AUTS2: variants seen among roughly 807,000 people sequenced by gnomAD.
The protein encoded by AUTS2 is activator of transcription and developmental regulator AUTS2.
AUTS2 carries 17 observed loss-of-function variants against 112.4 expected under a neutral mutation model. The ratio of observed to expected loss-of-function variants is 0.15; its 90% CI spans 0.10 to 0.23. The LOEUF (loss-of-function observed/expected upper bound fraction) is 0.23, where lower values mean the gene tolerates loss of function less well. Among genes scored for constraint, AUTS2 ranks in the 10% least tolerant of loss-of-function variants. AUTS2 has a pLI of 1.00. For missense variants in AUTS2, 1,510 were observed against 1,701.6 expected (o/e 0.89, Z 1.98); for synonymous variants, 751 against 702.7 (o/e 1.07, Z -1.09).
chr7:69,865,552 C>A (rs930086516), intron 1 of AUTS2, among the ~76,000 whole-genome samples: 1 of 152,160 alleles, frequency 6.6e-6, no homozygotes, highest in South Asian at 2.1e-4. Flanking sequence ...TCCCCTGTTG[C>A]AAAAGGACCC....
At chr7:70,289,028 T>G (rs1158041235) in intron 4 of AUTS2, among the ~76,000 whole-genome samples, 1 of 152,198 alleles carries the variant, frequency 6.6e-6, no homozygotes, top group Non-Finnish European at 1.5e-5. Context: ...ATATTGGGTG[T>G]GTCTCTTCAT....
intron 5 of AUTS2, among the ~76,000 whole-genome samples, chr7:70,579,625 G>A (rs1256393773): frequency 1.3e-5 from 2 of 152,160 alleles, no homozygotes; most frequent in Non-Finnish European, 2.9e-5. Flanking sequence ...CAGAGCAGGT[G>A]CAATTAATAA....
intron 2 of AUTS2, among the ~76,000 whole-genome samples, chr7:70,061,623 A>G (rs533668820): frequency 3.4e-4 from 52 of 152,198 alleles, no homozygotes; most frequent in African/African-American, 1.2e-3. Context: ...AATAAAAGAT[A>G]CTTATGGTAG....
At chr7:70,176,381 C>T (rs1808988901) in intron 4 of AUTS2, among the ~76,000 whole-genome samples, 1 of 152,178 alleles carries the variant, frequency 6.6e-6, no homozygotes, top group African/African-American at 2.4e-5. Context: ...TGTCTGAACT[C>T]CTCATTCTTT....
intron 4 of AUTS2, among the ~76,000 whole-genome samples, chr7:70,168,463 C>CT (rs1808498307): frequency 6.6e-6 from 1 of 152,088 alleles, no homozygotes; most frequent in Non-Finnish European, 1.5e-5. Flanking sequence ...ACTACAGGCG[C>CT]TGCCACCACA....
At chr7:70,332,162 C>T (rs1180399520) in intron 4 of AUTS2, among the ~76,000 whole-genome samples, 1 of 152,166 alleles carries the variant, frequency 6.6e-6, no homozygotes, top group Non-Finnish European at 1.5e-5. Flanking sequence ...TTCCTATACA[C>T]CAATAATAGA....
At chr7:69,729,534 G>A (rs1176902680) in intron 1 of AUTS2, among the ~76,000 whole-genome samples, 1 of 148,496 alleles carries the variant, frequency 6.7e-6, no homozygotes, top group Non-Finnish European at 1.5e-5. Flanking sequence ...CATTAAAAAA[G>A]CCATTTCTTA....
intron 1 of AUTS2, among the ~76,000 whole-genome samples, chr7:69,720,400 A>G (rs1234916660): frequency 2.6e-5 from 4 of 152,168 alleles, no homozygotes; most frequent in Non-Finnish European, 4.4e-5. Flanking sequence ...AGAAGATCTC[A>G]TTGTACAGGT....
In AUTS2 at chr7:70,379,290, T is replaced by G. The variant is rs76899521; in HGVS notation, c.661-56462T>G. On this transcript the variant is annotated intron_variant, in intron 4 of 18. Coordinates refer to ENST00000342771, the MANE Select transcript of AUTS2 (RefSeq NM_015570.4). ...CCGAGGCAGGTGGATCACTTGCAGTTAGGAGTTCGAGACCGGCCTGGCCAA... is the reference window on the plus strand; with the variant it reads ...CCGAGGCAGGTGGATCACTTGCAGTGAGGAGTTCGAGACCGGCCTGGCCAA... Among the ~76,000 whole-genome samples the G allele has an allele frequency of 0.016, 2,455 of 152,152 alleles. 197 individuals carry two copies. The East Asian group carries it at 0.26, about 16-fold the overall frequency.
At chr7:70,615,761 A>T (rs1328801120) in intron 5 of AUTS2, among the ~76,000 whole-genome samples, 3 of 149,392 alleles carry the variant, frequency 2.0e-5, no homozygotes, top group Non-Finnish European at 3.0e-5. Context: ...TTCTGTTCAA[A>T]TTTTTTTTTT....
intron 4 of AUTS2, among the ~76,000 whole-genome samples, chr7:70,420,854 C>T (rs1795188234): frequency 6.6e-6 from 1 of 152,290 alleles, no homozygotes; most frequent in East Asian, 1.9e-4. Flanking sequence ...GATGGCTTCA[C>T]AGGTGTGTAC....
chr7:70,698,015 G>T (rs1809222604), intron 5 of AUTS2, among the ~76,000 whole-genome samples: 2 of 152,142 alleles, frequency 1.3e-5, no homozygotes, highest in South Asian at 4.1e-4. Flanking sequence ...GGGCAGGCCG[G>T]CTTGCATCTT....
intron 4 of AUTS2, among the ~76,000 whole-genome samples, chr7:70,270,324 T>C (rs1253433381): frequency 6.6e-6 from 1 of 151,996 alleles, no homozygotes; most frequent in Non-Finnish European, 1.5e-5. Flanking sequence ...GGAGTTAGTA[T>C]TGGGTTTTGA....
intron 4 of AUTS2, among the ~76,000 whole-genome samples, chr7:70,236,602 T>C (rs1812341856): frequency 6.6e-6 from 1 of 152,240 alleles, no homozygotes; most frequent in Non-Finnish European, 1.5e-5. Flanking sequence ...TCCCACAGAC[T>C]GGTAGCTGTA....
At chr7:70,105,367 C>A (rs1408325019) in intron 2 of AUTS2, among the ~76,000 whole-genome samples, 1 of 152,122 alleles carries the variant, frequency 6.6e-6, no homozygotes, top group Non-Finnish European at 1.5e-5. Context: ...TCGGGCAATC[C>A]TCGTGCCTCA....
intron 5 of AUTS2, among the ~76,000 whole-genome samples, chr7:70,609,992 G>GTTGTTGT (rs1804000326): frequency 6.7e-6 from 1 of 149,404 alleles, no homozygotes; most frequent in South Asian, 2.1e-4. Flanking sequence ...TGTTGTTGTT[G>GTTGTTGT]TTGTTGTTGT....
intron 2 of AUTS2, among the ~76,000 whole-genome samples, chr7:70,033,251 A>G (rs1322329998): frequency 6.6e-6 from 1 of 152,212 alleles, no homozygotes; most frequent in South Asian, 2.1e-4. Context: ...CTCAAGTTAA[A>G]TGAAATGACC....
intron 5 of AUTS2, among the ~76,000 whole-genome samples, chr7:70,564,736 G>C (rs1801631191): frequency 6.6e-6 from 1 of 152,178 alleles, no homozygotes; most frequent in African/African-American, 2.4e-5. Flanking sequence ...ATCCATCAAA[G>C]CCTCTAGCAA....
At chr7:70,636,640 C>T (rs1195121445) in intron 5 of AUTS2, among the ~76,000 whole-genome samples, 1 of 127,022 alleles carries the variant, frequency 7.9e-6, no homozygotes, top group Non-Finnish European at 1.6e-5. Flanking sequence ...TGATGGCCTA[C>T]AAAAATACAT....
Sources: gnomAD v4.1 joint callset for allele counts (sites outside exome capture counted in the v4.1 genomes callset) on GRCh38, gnomAD v4.1.1 for gene constraint, MANE v1.5 for transcripts, NCBI Gene and HGNC (gene_info 2026-07-23, HGNC 2026-07-21) for gene names.